The following KLHL29 variants were observed in gnomAD, a reference collection of about 807,000 sequenced individuals.
KLHL29 encodes kelch-like protein 29.
KLHL29 carries 21 observed loss-of-function variants against 80.4 expected under a neutral mutation model. The observed-to-expected ratio is 0.26, with a 90% confidence interval of 0.19 to 0.38. KLHL29 has a LOEUF of 0.38. Among genes scored for constraint, KLHL29 ranks in the 10% least tolerant of loss-of-function variants. KLHL29 has a pLI of 1.00. For missense variants in KLHL29, 867 were observed against 1,223.9 expected (o/e 0.71, Z 4.35); for synonymous variants, 511 against 526.8 (o/e 0.97, Z 0.41).
At chr2:23,654,561 G>A (rs1670182113) in intron 5 of KLHL29, among the ~76,000 whole-genome samples, 1 of 152,154 alleles carries the variant, frequency 6.6e-6, no homozygotes, top group South Asian at 2.1e-4. Context: ...CTGGGTCTTT[G>A]TAGTAATGGT....
intron 2 of KLHL29, among the ~76,000 whole-genome samples, chr2:23,515,642 A>G (rs1304944580): frequency 1.3e-5 from 2 of 152,272 alleles, no homozygotes; most frequent in African/African-American, 2.4e-5. Context: ...TGCCCAGCAC[A>G]ATTCCTGGCC....
At chr2:23,440,332 A>G (rs1663478917) in intron 1 of KLHL29, among the ~76,000 whole-genome samples, 2 of 151,782 alleles carry the variant, frequency 1.3e-5, no homozygotes, top group Admixed American at 1.3e-4. Context: ...TTAATTCAAG[A>G]TGGATTAAAG....
chr2:23,670,917 G>GCGCGCA (rs150131401), intron 5 of KLHL29, among the ~76,000 whole-genome samples: 339 of 18,530 alleles, frequency 0.018, 44 homozygotes, highest in Middle Eastern at 0.077. Flanking sequence ...ACATGCACGC[G>GCGCGCA]CTCTCTCTCT....
At chr2:23,606,188 GGGAGAGAGAGAGGGAGA>G (rs1558406059) in intron 3 of KLHL29, among the ~76,000 whole-genome samples, 7 of 116,590 alleles carry the variant, frequency 6.0e-5, no homozygotes, top group Non-Finnish European at 8.9e-5. Context: ...GAGAGAGAGA[GGGAGAGAGAGAGGGAGA>G]GAGAGAGAGA....
chr2:23,642,339 C>T lies in KLHL29; in HGVS notation c.429C>T (p.Gly143=). The change falls in exon 5 of 14, where the codon GGC becomes GGT. Residue 143 remains glycine, a splice_region_variant and synonymous_variant. Coordinates refer to ENST00000486442, the MANE Select transcript of KLHL29 (RefSeq NM_052920.2). The part of the protein sequence containing the change: ...SKQMRESDNP[G]TGPWVTTVAA... ...ACGTTTCTTCCATCTCCCTTGCAGGCACAGGGCCATGGGTGACCACGGTGG... is the reference window on the plus strand; with the variant it reads ...ACGTTTCTTCCATCTCCCTTGCAGGTACAGGGCCATGGGTGACCACGGTGG... 7.1e-7 allele frequency: 1 copy of T among 1,413,768 alleles called. No individual in the cohort carries two copies. Among genetic ancestry groups the T allele is most frequent in the Non-Finnish European group, 9.3e-7 (1 of 1,078,138 alleles). The allele number at this position is 1,413,768 out of a possible 1,614,324, so 87.6% of individuals were successfully genotyped here.
chr2:23,675,564 C>A (rs1210835253), intron 5 of KLHL29, among the ~76,000 whole-genome samples: 2 of 152,202 alleles, frequency 1.3e-5, no homozygotes, highest in African/African-American at 4.8e-5. Flanking sequence ...TTGGAGAGAA[C>A]CCTGTTCTGC....
Position 23,613,621 on chromosome 2 carries a change from G to A in KLHL29, c.286-25518G>A, listed in dbSNP as rs530290332. Among the ~76,000 whole-genome samples the A allele has an allele frequency of 5.3e-4, 80 of 151,890 alleles. 2 individuals carry two copies. The highest frequency in any genetic ancestry group is 2.2e-4 in the African/African-American group (9 of 41,430). ...TCTACTAAAAATACAAACATTAGCC[G>A]GGGGTGGTGGCACGCGCCTGTAATC... On this transcript the variant is annotated intron_variant, in intron 3 of 13. Transcript: ENST00000486442.
chr2:23,488,368 C>A (rs563461178), intron 2 of KLHL29, among the ~76,000 whole-genome samples: 1 of 152,230 alleles, frequency 6.6e-6, no homozygotes, highest in Non-Finnish European at 1.5e-5. Flanking sequence ...CTCTGGGCAT[C>A]CCCCGTCTCC....
chr2:23,538,304 CAA>C (rs771732956), intron 2 of KLHL29, among the ~76,000 whole-genome samples: 8 of 152,208 alleles, frequency 5.3e-5, no homozygotes, highest in African/African-American at 9.7e-5. Context: ...CTTTGAGAAA[CAA>C]AGATGCCTGA....
intron 2 of KLHL29, among the ~76,000 whole-genome samples, chr2:23,507,879 A>G (rs927129682): frequency 6.6e-6 from 1 of 152,196 alleles, no homozygotes; most frequent in South Asian, 2.1e-4. Flanking sequence ...CCATGGCTCT[A>G]TAGTTCTCTT....
At chr2:23,586,887 AC>A (rs745669093) in intron 3 of KLHL29, among the ~76,000 whole-genome samples, 29 of 151,772 alleles carry the variant, frequency 1.9e-4, no homozygotes, top group Non-Finnish European at 3.2e-4. Context: ...CCTCTCTGTG[AC>A]CCCAGCTCCT....
chr2:23,420,050 G>A (rs1051966946), intron 1 of KLHL29, among the ~76,000 whole-genome samples: 10 of 152,134 alleles, frequency 6.6e-5, no homozygotes, highest in East Asian at 1.9e-4. Context: ...CCCCACACAC[G>A]GAGACACAGG....
At chr2:23,484,393 G>A (rs1435432372) in intron 2 of KLHL29, among the ~76,000 whole-genome samples, 1 of 152,182 alleles carries the variant, frequency 6.6e-6, no homozygotes, top group Non-Finnish European at 1.5e-5. Context: ...TGTCTGGCTC[G>A]TAAGGTAGCA....
At chr2:23,579,664 C>T (rs1050809136) in intron 3 of KLHL29, among the ~76,000 whole-genome samples, 2 of 152,218 alleles carry the variant, frequency 1.3e-5, no homozygotes, top group Non-Finnish European at 1.5e-5. Flanking sequence ...CTTCTAGCTT[C>T]CTGCCTCCAA....
At chr2:23,670,092 C>T (rs550276039) in intron 5 of KLHL29, 60 of 152,102 alleles carry the variant, frequency 3.9e-4, no homozygotes, top group African/African-American at 1.4e-3. Context: ...GGTTCTCAGG[C>T]GTGTAGATCG....
At chr2:23,613,832 G>T (rs4665617) in intron 3 of KLHL29, among the ~76,000 whole-genome samples, 1 of 141,550 alleles carries the variant, frequency 7.1e-6, no homozygotes, top group Non-Finnish European at 1.5e-5. Flanking sequence ...ACAATTGTAC[G>T]CATCCAAGAA....
chr2:23,658,671 C>T (rs1219148162), intron 5 of KLHL29, among the ~76,000 whole-genome samples: 3 of 152,162 alleles, frequency 2.0e-5, no homozygotes, highest in South Asian at 4.1e-4. Flanking sequence ...AGAGGCCTTC[C>T]GGTTGTTGAG....
intron 5 of KLHL29, among the ~76,000 whole-genome samples, chr2:23,644,673 T>G (rs1669871261): frequency 6.6e-6 from 1 of 152,136 alleles, no homozygotes; most frequent in South Asian, 2.1e-4. Flanking sequence ...GCCCACTGGG[T>G]CAATGACCAT....
intron 6 of KLHL29, chr2:23,688,842 G>A (rs1258384406): frequency 2.0e-5 from 3 of 152,310 alleles, no homozygotes. Flanking sequence ...GACAGGACAA[G>A]AAATGGCTTG....
Sources: gnomAD v4.1 joint callset for allele counts (sites outside exome capture counted in the v4.1 genomes callset) on GRCh38, gnomAD v4.1.1 for gene constraint, MANE v1.5 for transcripts, NCBI Gene and HGNC (gene_info 2026-07-23, HGNC 2026-07-21) for gene names.